Variants in TEX101 observed in about 807,000 individuals in gnomAD.
TEX101 encodes testis-expressed protein 101.
Under a neutral mutation model 18.1 loss-of-function variants are expected in TEX101, and 10 were observed. The observed-to-expected ratio is 0.55, with a 90% CI of 0.34 to 0.94. The LOEUF (loss-of-function observed/expected upper bound fraction) is 0.94, where lower values mean the gene tolerates loss of function less well. Ranked by LOEUF, TEX101 falls within the 40% of genes least tolerant of loss-of-function variation. TEX101 has a pLI of 0.02. For missense variants in TEX101, 259 were observed against 298.9 expected (o/e 0.87, Z 0.98); for synonymous variants, 94 against 114.8 (o/e 0.82, Z 1.16).
In TEX101 at chr19:43,418,205, A is replaced by G; in HGVS notation, c.558A>G (p.Thr186=). ...IESSVEVKGC[T]AMIGCRLMSG... is the part of the protein sequence containing the mutation. ...CGTCTGTGGAGGTCAAAGGCTGTACAGCCATGATTGGCTGCAGGCTGATGT... is the reference window on the plus strand; with the variant it reads ...CGTCTGTGGAGGTCAAAGGCTGTACGGCCATGATTGGCTGCAGGCTGATGT... The change falls in exon 6 of 6, where the codon ACA becomes ACG. Residue 186 remains threonine (T), a synonymous_variant. Coordinates refer to ENST00000598265, the MANE Select transcript of TEX101 (RefSeq NM_001130011.3). 1 of 1,614,212 alleles carries G rather than the reference A, an allele frequency of 6.2e-7. No individual in the cohort carries two copies.
At chr19:43,409,433 T>C (rs570875308) in intron 3 of TEX101, among the ~76,000 whole-genome samples, 1 of 152,228 alleles carries the variant, frequency 6.6e-6, no homozygotes, top group African/African-American at 2.4e-5. Context: ...CTAACAATGT[T>C]AACAGGCCAA....
At chr19:43,391,676 T>C in the TEX101 span, among the ~76,000 whole-genome samples, 1 of 152,208 alleles carries the variant, frequency 6.6e-6, no homozygotes, top group East Asian at 1.9e-4. Context: ...TACCTCATTC[T>C]TTGCCACAGC....
At chr19:43,391,406 CTTTTT>C in the TEX101 span, among the ~76,000 whole-genome samples, 43 of 95,902 alleles carry the variant, frequency 4.5e-4, no homozygotes, top group African/African-American at 1.5e-3. Context: ...TTCTGTTTTT[CTTTTT>C]TTTTTTTTTT....
chr19:43,398,836 A>G (rs1290825928), upstream of TEX101, among the ~76,000 whole-genome samples: 3 of 152,202 alleles, frequency 2.0e-5, no homozygotes, highest in East Asian at 1.9e-4. Context: ...TAAAATCCCT[A>G]TAAAGGGAAG....
At position 43,418,462 on chromosome 19, in the gene TEX101, G is replaced by T. The variant is rs2122356840; in HGVS notation, c.*65G>T. On this transcript the variant is annotated 3_prime_UTR_variant, in exon 6 of 6. Transcript: ENST00000598265. ...GACTGGGAGCCTTCTTACTGTTGAGGTTCAACAAGCTGAGGAGTAGATGGG... is the reference window on the plus strand; with the variant it reads ...GACTGGGAGCCTTCTTACTGTTGAGTTTCAACAAGCTGAGGAGTAGATGGG... The T allele has an allele frequency of 4.3e-6, 6 of 1,382,256 alleles. No homozygotes were observed. The highest frequency in any genetic ancestry group is 6.0e-6 in the Non-Finnish European group (6 of 993,630). The allele number at this position is 1,382,256 out of a possible 1,614,324, so 85.6% of individuals were successfully genotyped here.
chr19:43,390,742 G>A, the TEX101 span, among the ~76,000 whole-genome samples: 1 of 151,744 alleles, frequency 6.6e-6, no homozygotes, highest in African/African-American at 2.4e-5. Context: ...GCTGGGATTA[G>A]ACGTAAGCCA....
At chr19:43,398,447 T>C (rs1306765082), upstream of TEX101, among the ~76,000 whole-genome samples, 1 of 151,148 alleles carries the variant, frequency 6.6e-6, no homozygotes, top group African/African-American at 2.4e-5. Context: ...AGCTAATTTT[T>C]GTATTTTTAG....
At chr19:43,395,874 T>C in the TEX101 span, among the ~76,000 whole-genome samples, 2 of 152,334 alleles carry the variant, frequency 1.3e-5, no homozygotes, top group South Asian at 4.1e-4. Flanking sequence ...CAGCAGGACC[T>C]GAAACTGCTC....
intron 2 of TEX101, among the ~76,000 whole-genome samples, chr19:43,404,958 G>A (rs900155599): frequency 1.3e-5 from 2 of 152,064 alleles, no homozygotes; most frequent in African/African-American, 4.8e-5. Context: ...ATCACAGATA[G>A]AAGGTATGGG....
At chr19:43,391,969 C>A in the TEX101 span, among the ~76,000 whole-genome samples, 1 of 152,130 alleles carries the variant, frequency 6.6e-6, no homozygotes, top group Non-Finnish European at 1.5e-5. Context: ...GAGGGGAAGC[C>A]CCACTAAGCA....
upstream of TEX101, among the ~76,000 whole-genome samples, chr19:43,400,840 C>T (rs769802919): frequency 6.6e-6 from 1 of 151,868 alleles, no homozygotes; most frequent in Non-Finnish European, 1.5e-5. Context: ...CCTTTTTTTC[C>T]CTCCCTCCTC....
chr19:43,416,512 C>CAAAG lies in TEX101; in HGVS notation c.350_353dup (p.Asp118GlufsTer12), dbSNP rs751457039. The CAAAG allele has an allele frequency of 6.8e-6, 11 of 1,613,962 alleles. No individual in the cohort carries two copies. Among genetic ancestry groups the CAAAG allele is most frequent in the Non-Finnish European group, 9.3e-6 (11 of 1,180,004 alleles). ...ACTGTGAGGATTCCTTCTGTAATGA[C>CAAAG]AAAGACAGCCTGTCTCAGTTTTGGG... On this transcript the variant is annotated frameshift_variant, in exon 4 of 6. Coordinates refer to ENST00000598265, the MANE Select transcript of TEX101 (RefSeq NM_001130011.3). LOFTEE classifies it high-confidence loss of function.
At chr19:43,397,040 G>C (rs756807965), upstream of TEX101, among the ~76,000 whole-genome samples, 3,951 of 152,032 alleles carry the variant, frequency 0.026, 63 homozygotes, top group Middle Eastern at 0.099. Context: ...GTTTCACCAT[G>C]TTAGCCAGGA....
At chr19:43,392,429 C>T in the TEX101 span, among the ~76,000 whole-genome samples, 4 of 152,134 alleles carry the variant, frequency 2.6e-5, no homozygotes, top group African/African-American at 9.7e-5. Context: ...TAAGGGGTCA[C>T]TTGCGCAACC....
chr19:43,389,579 G>A, the TEX101 span, among the ~76,000 whole-genome samples: 2 of 152,178 alleles, frequency 1.3e-5, no homozygotes, highest in Admixed American at 6.5e-5. Flanking sequence ...CTTCATGAGG[G>A]CCCTTGGAGC....
chr19:43,405,653 G>A (rs188072435), intron 2 of TEX101, among the ~76,000 whole-genome samples: 3 of 151,894 alleles, frequency 2.0e-5, no homozygotes, highest in East Asian at 3.9e-4. Flanking sequence ...GGTTGGGTGC[G>A]GTGACTCACG....
At chr19:43,414,650 C>T (rs953507695), upstream of TEX101, among the ~76,000 whole-genome samples, 1 of 152,222 alleles carries the variant, frequency 6.6e-6, no homozygotes, top group African/African-American at 2.4e-5. Context: ...TCTGGCAACG[C>T]ACTGCCCACC....
chr19:43,406,402 G>T, exon 3 of TEX101: 2 of 719,782 alleles, frequency 2.8e-6, no homozygotes, highest in Non-Finnish European at 5.2e-6. Context: ...CAGGCTTGGC[G>T]GAACCTGCGG....
chr19:43,404,254 G>C (rs535558819), intron 2 of TEX101, among the ~76,000 whole-genome samples: 7 of 151,986 alleles, frequency 4.6e-5, no homozygotes, highest in African/African-American at 1.7e-4. Context: ...GCAATTTCTT[G>C]GGTTTAGGAA....
Sources: allele counts gnomAD v4.1 joint callset (sites outside exome capture counted in the v4.1 genomes callset), GRCh38; gene constraint gnomAD v4.1.1; transcripts MANE v1.5; gene names NCBI Gene and HGNC (gene_info 2026-07-23, HGNC 2026-07-21).